Variants in ZC3H7A observed in about 807,000 individuals in gnomAD.
ZC3H7A encodes zinc finger CCCH domain-containing protein 7A.
A neutral mutation model predicts 125.5 loss-of-function variants in ZC3H7A; 44 were observed. The ratio of observed to expected loss-of-function variants is 0.35; its 90% confidence interval spans 0.28 to 0.45. ZC3H7A has a LOEUF of 0.45. Ranked by LOEUF, ZC3H7A falls within the 20% of genes least tolerant of loss-of-function variation. ZC3H7A has a pLI of 1.00. For missense variants in ZC3H7A, 977 were observed against 1,170.7 expected, an observed-to-expected ratio of 0.83 and a Z score of 2.41; for synonymous variants, 399 against 391.2, an observed-to-expected ratio of 1.02 and a Z score of -0.23.
Position 11,765,497 on chromosome 16 carries a change from G to A in ZC3H7A, c.1711C>T (p.Leu571Phe). 1 of 1,612,258 alleles carries A rather than the reference G, an allele frequency of 6.2e-7. No homozygotes were observed. The highest frequency in any genetic ancestry group is 8.5e-7 in the Non-Finnish European group (1 of 1,178,958). ...LQEHLGEFIFLCEKCFDHKPR... is the reference protein window; with the variant it reads ...LQEHLGEFIFFCEKCFDHKPR... ...AGTTTTGGAGAACACACCTCACAAA[G>A]GAATATAAATTCCCCAAGATGCTCC... The change falls in exon 14 of 23, where the codon CTT becomes TTT. Residue 571 changes from leucine to phenylalanine, a missense_variant. Around this residue, in one of 3 missense-constraint regions of ZC3H7A, gnomAD observed 436 missense variants for 603.2 expected, o/e 0.72. Coordinates refer to ENST00000355758, the MANE Select transcript of ZC3H7A (RefSeq NM_014153.4). The surrounding 1 kb of genome is among the most constrained non-coding windows in gnomAD (Gnocchi z 4.8).
rs1480746947 is a variant in ZC3H7A, at chr16:11,751,495, C to A, written c.2738G>T (p.Gly913Val). The part of the protein sequence containing the change: ...YFSICDRYMN[G>V]TCPEGNSCKF... ...ACAGCTGTTTCCTTCTGGGCAGGTG[C>A]CATTCATATACCTGTAAGGAGAAGT... is the stretch of plus-strand genomic sequence containing the variant. The change falls in exon 23 of 23, where the codon GGC becomes GTC. Residue 913 changes from glycine to valine, a missense_variant. Physicochemically the swap from Gly to Val is moderately radical, Grantham distance 109. This residue lies in a region of ZC3H7A where 436 missense variants were observed against 603.2 expected (regional missense o/e 0.72). Transcript: ENST00000355758. 6.2e-7 allele frequency: 1 copy of A among 1,613,840 alleles called. No homozygotes were observed. Among genetic ancestry groups the A allele is most frequent in the Non-Finnish European group, 8.5e-7 (1 of 1,179,928 alleles).
chr16:11,787,064 C>T (rs535408396), intron 1 of ZC3H7A, among the ~76,000 whole-genome samples: 5 of 152,096 alleles, frequency 3.3e-5, no homozygotes, highest in Non-Finnish European at 7.4e-5. Context: ...AGATCAGCAC[C>T]TTGGGAGGCC....
chr16:11,776,650 T>A (rs1411099834), intron 5 of ZC3H7A, 101 bp downstream of exon 5: 6 of 1,503,898 alleles, frequency 4.0e-6, no homozygotes, highest in Non-Finnish European at 5.4e-6. Context: ...TATACCCAAC[T>A]GAAGCAGGTT....
At chr16:11,774,161 T>C in intron 9 of ZC3H7A, 75 bp downstream of exon 9, 1 of 1,376,966 alleles carries the variant, frequency 7.3e-7, no homozygotes, top group Non-Finnish European at 9.5e-7. Context: ...ACTGAAAAAG[T>C]CTATCAAGTT....
intron 12 of ZC3H7A, 25 bp from the exon 13 acceptor site, chr16:11,767,603 CT>C: frequency 6.7e-7 from 1 of 1,502,588 alleles, no homozygotes; most frequent in Non-Finnish European, 8.9e-7. Context: ...AAGAGGATTG[CT>C]TATATGCACA....
rs1454464189 is a variant in ZC3H7A, at chr16:11,756,322, T to C, written c.2477A>G (p.Asn826Ser). The change falls in exon 21 of 23, where the codon AAT becomes AGT. Residue 826 changes from asparagine to serine, a missense_variant. By Grantham distance (46) the Asn-to-Ser change is conservative. Coordinates refer to ENST00000355758, the MANE Select transcript of ZC3H7A (RefSeq NM_014153.4). ...FYELWLKSQK[N>S]EKSEDIASQS... ...ACTGGCTATGTCTTCACTTTTTTCA[T>C]TTTTTTGACTCTTGAGCCATAGTTC... 6.2e-7 allele frequency: 1 copy of C among 1,613,716 alleles called. No individual in the cohort carries two copies. Among genetic ancestry groups the C allele is most frequent in the Non-Finnish European group, 8.5e-7 (1 of 1,179,860 alleles).
At chr16:11,768,640 T>G in intron 11 of ZC3H7A, 139 bp from the exon 12 acceptor site, 1 of 760,692 alleles carries the variant, frequency 1.3e-6, no homozygotes, top group Non-Finnish European at 1.9e-6. Context: ...CTTAATGCTC[T>G]TCTATCTTAA....
At chr16:11,769,784 CTTTTTTTTTTT>C (rs200241879) in intron 10 of ZC3H7A, among the ~76,000 whole-genome samples, 2 of 61,604 alleles carry the variant, frequency 3.2e-5, no homozygotes, top group Non-Finnish European at 5.2e-5. Flanking sequence ...CAATTGCTTT[CTTTTTTTTTTT>C]TTTTTTTTTT....
intron 1 of ZC3H7A, among the ~76,000 whole-genome samples, chr16:11,793,805 G>C (rs1406047104): frequency 6.6e-6 from 1 of 152,178 alleles, no homozygotes; most frequent in Non-Finnish European, 1.5e-5. Context: ...GATACTTTAT[G>C]AAACAGTTTC....
In ZC3H7A at chr16:11,762,111, A is replaced by G. The variant is rs567358464; in HGVS notation, c.2080-68T>C. 14 of 1,445,100 alleles carry G rather than the reference A, an allele frequency of 9.7e-6. No individual in the cohort carries two copies. In the African/African-American group the frequency reaches 2.0e-4, roughly 21 times the overall value. The allele number at this position is 1,445,100 out of a possible 1,614,324, so 89.5% of individuals were successfully genotyped here. ...ACCAGTTTTCTGATGACAAAATACTAAATCAAGATGCATTTTTTTCACAAT... is the reference window on the plus strand; with the variant it reads ...ACCAGTTTTCTGATGACAAAATACTGAATCAAGATGCATTTTTTTCACAAT... On this transcript the variant is annotated intron_variant, in intron 17 of 22. Coordinates refer to ENST00000355758, the MANE Select transcript of ZC3H7A (RefSeq NM_014153.4).
rs2052900730 is a variant in ZC3H7A at position 11,768,378 on chromosome 16, T to C, written c.1297A>G (p.Arg433Gly). 10 of 1,598,734 alleles carry C rather than the reference T, an allele frequency of 6.3e-6. No individual in the cohort carries two copies. Among genetic ancestry groups the C allele is most frequent in the Non-Finnish European group, 7.7e-6 (9 of 1,170,190 alleles). ...TCATGGGTTCCTTCGAGGGGATGTC[T>C]TGGAGTCACTGATGAAGATGGTTTG... ...VTKPSSSVTP[R>G]HPLEGTHELR... Residue 433 changes from arginine to glycine, a missense_variant, in exon 12 of 23, where the codon AGA becomes GGA. Arg to Gly is a moderately radical substitution (Grantham distance 125). Coordinates refer to ENST00000355758, the MANE Select transcript of ZC3H7A (RefSeq NM_014153.4).
chr16:11,779,979 G>A (rs2053148228), intron 3 of ZC3H7A, among the ~76,000 whole-genome samples: 1 of 151,500 alleles, frequency 6.6e-6, no homozygotes, highest in Non-Finnish European at 1.5e-5. Context: ...TCTGTAAATT[G>A]CTCAGGTCAT....
intron 1 of ZC3H7A, among the ~76,000 whole-genome samples, chr16:11,796,064 C>T (rs1019584544): frequency 6.6e-6 from 1 of 151,660 alleles, no homozygotes; most frequent in African/African-American, 2.4e-5. Flanking sequence ...AACTCCTGCA[C>T]TCAAACGATC....
intron 2 of ZC3H7A, 66 bp downstream of exon 2, chr16:11,782,221 A>G (rs2053183888): frequency 1.9e-6 from 3 of 1,584,742 alleles, no homozygotes; most frequent in Non-Finnish European, 8.7e-7. Flanking sequence ...CTTCCTCTCC[A>G]CAAAACATAC....
At chr16:11,771,180 G>A (rs2052974410) in intron 9 of ZC3H7A, among the ~76,000 whole-genome samples, 193 bp from the exon 10 acceptor site, 2 of 152,210 alleles carry the variant, frequency 1.3e-5, no homozygotes, top group Middle Eastern at 3.4e-3. Flanking sequence ...CTGAGCTCAG[G>A]AGTTCAAGAC....
intron 21 of ZC3H7A, among the ~76,000 whole-genome samples, chr16:11,755,763 T>G (rs550805603): frequency 2.0e-5 from 3 of 152,064 alleles, no homozygotes; most frequent in Non-Finnish European, 4.4e-5. Context: ...TTTTTTCACA[T>G]GAGGAGACTT....
Position 11,761,916 on chromosome 16 carries a change from C to G in ZC3H7A, c.2207G>C (p.Arg736Thr), listed in dbSNP as rs781309592. ...TTCCACACACAATACTTACGAATGC[C>G]TTGCTTTTGCACTACAATATTTTCT... ...KNRKYCSAKA[R>T]HSWTKDRRAM... The change falls in exon 18 of 23, where the codon AGG (arginine) becomes ACG (threonine). Residue 736 changes from arginine to threonine, a missense_variant. Around this residue, in one of 3 missense-constraint regions of ZC3H7A, gnomAD observed 436 missense variants for 603.2 expected, o/e 0.72. Coordinates refer to ENST00000355758, the MANE Select transcript of ZC3H7A (RefSeq NM_014153.4). The G allele has an allele frequency of 6.2e-7, 1 of 1,611,730 alleles. No individual in the cohort carries two copies. Among genetic ancestry groups the G allele is most frequent in the Non-Finnish European group, 8.5e-7 (1 of 1,179,518 alleles).
At chr16:11,761,706 G>T in intron 18 of ZC3H7A, 195 bp from the exon 19 acceptor site, 1 of 851,640 alleles carries the variant, frequency 1.2e-6, no homozygotes, top group Non-Finnish European at 1.8e-6. Flanking sequence ...TAAACAAATT[G>T]ATAAAATACA....
rs1175661298 is a variant in ZC3H7A at position 11,771,190 on chromosome 16, C to A, written c.904-203G>T. ...ACTGCCTGAGCTCAGGAGTTCAAGA[C>A]CAGCCTGGGCAACACGGTGAAACTC... On this transcript the variant is annotated intron_variant, in intron 9 of 22. Transcript: ENST00000355758. Among the ~76,000 whole-genome samples, 3 of 152,070 alleles carry A rather than the reference C, an allele frequency of 2.0e-5. No individual in the cohort carries two copies. The East Asian group carries it at 5.8e-4, about 29-fold the overall frequency.
Sources: gnomAD v4.1 joint callset for allele counts (sites outside exome capture counted in the v4.1 genomes callset) on GRCh38, gnomAD v4.1.1 for gene constraint, gnomAD v4.1.1 regional missense constraint, Gnocchi (gnomAD v3.1) non-coding constraint, MANE v1.5 for transcripts, NCBI Gene and HGNC (gene_info 2026-07-23, HGNC 2026-07-21) for gene names.